Variants in MYO5A observed in about 807,000 individuals in gnomAD.
MYO5A encodes the protein unconventional myosin-Va.
A neutral mutation model predicts 249.7 loss-of-function variants in MYO5A; 98 were observed. The ratio of observed to expected loss-of-function variants is 0.39; its 90% CI spans 0.33 to 0.46. The LOEUF (loss-of-function observed/expected upper bound fraction) is 0.46. MYO5A is among the 20% of genes least tolerant of loss of function. The pLI, the probability that MYO5A is intolerant of heterozygous loss-of-function variation, is 0.98. For missense variants in MYO5A, 1,696 were observed against 2,308.8 expected (o/e 0.73, Z 5.44); for synonymous variants, 778 against 810.6 (o/e 0.96, Z 0.68).
intron 9 of MYO5A, among the ~76,000 whole-genome samples, chr15:52,402,319 G>C (rs536900557): frequency 4.4e-4 from 67 of 152,262 alleles, no homozygotes; most frequent in African/African-American, 1.5e-3. Flanking sequence ...GTCAGGTTAA[G>C]TTTTCTTTAT....
chr15:52,340,066 G>T, intron 32 of MYO5A, 130 bp downstream of exon 32: 1 of 915,096 alleles, frequency 1.1e-6, no homozygotes, highest in Non-Finnish European at 1.7e-6. Context: ...GTCTCTGCTG[G>T]AGTAAGAGGG....
At chr15:52,412,121 T>C (rs912512519) in intron 5 of MYO5A, among the ~76,000 whole-genome samples, 1 of 152,220 alleles carries the variant, frequency 6.6e-6, no homozygotes, top group Non-Finnish European at 1.5e-5. Context: ...AAAGATTACA[T>C]GTAGTAGAAG....
chr15:52,333,523 G>GT (rs1270973394), intron 34 of MYO5A, among the ~76,000 whole-genome samples: 1 of 152,046 alleles, frequency 6.6e-6, no homozygotes, highest in East Asian at 1.9e-4. Flanking sequence ...ACAGGCCTTA[G>GT]TTTTTTCCTC....
intron 39 of MYO5A, among the ~76,000 whole-genome samples, chr15:52,318,456 C>CAAAA (rs35901511): frequency 4.6e-5 from 4 of 87,486 alleles, no homozygotes; most frequent in Non-Finnish European, 8.8e-5. Flanking sequence ...AACTCCATCT[C>CAAAA]AAAAAAAAAA....
At chr15:52,446,698 A>C (rs569987090) in intron 1 of MYO5A, among the ~76,000 whole-genome samples, 87 of 152,312 alleles carry the variant, frequency 5.7e-4, no homozygotes, top group African/African-American at 2.1e-3. Flanking sequence ...TAGGGGCTGA[A>C]CCCTACAAAG....
At chr15:52,354,045 G>C (rs370894992) in intron 25 of MYO5A, 31 bp from the exon 26 acceptor site, 269 of 1,613,498 alleles carry the variant, frequency 1.7e-4, no homozygotes, top group Non-Finnish European at 2.1e-4. Context: ...AGATGGTCAA[G>C]ACAAGCCAGA....
Position 52,372,378 on chromosome 15 carries a change from A to G in MYO5A, c.2578-15T>C, listed in dbSNP as rs1266151978. 5 of 1,599,422 alleles carry G rather than the reference A, an allele frequency of 3.1e-6. No individual in the cohort carries two copies. The African/African-American group carries it at 5.3e-5, about 17-fold the overall frequency. Reference sequence around the variant, plus strand: ...TCACGGAGTATCTGCAGAAAAGGATAAGGGCAAGCAATGTCAAGACCCTGG... The same window carrying G: ...TCACGGAGTATCTGCAGAAAAGGATGAGGGCAAGCAATGTCAAGACCCTGG... On this transcript the variant is annotated splice_polypyrimidine_tract_variant and intron_variant, in intron 20 of 41. Coordinates refer to ENST00000399233, the MANE Select transcript of MYO5A (RefSeq NM_001382347.1).
At chr15:52,393,986 C>G (rs1331745531) in intron 11 of MYO5A, among the ~76,000 whole-genome samples, 7 of 152,194 alleles carry the variant, frequency 4.6e-5, no homozygotes, top group African/African-American at 9.6e-5. Context: ...ACACACATCT[C>G]CATGTCTAGT....
chr15:52,337,263 TAA>T, intron 33 of MYO5A, among the ~76,000 whole-genome samples: 1 of 151,784 alleles, frequency 6.6e-6, no homozygotes, highest in East Asian at 1.9e-4. Flanking sequence ...AGGAGGAAGG[TAA>T]AAAAAAGTCC....
intron 15 of MYO5A, 29 bp downstream of exon 15, chr15:52,384,132 G>A: frequency 6.2e-7 from 1 of 1,613,674 alleles, no homozygotes; most frequent in South Asian, 1.1e-5. Flanking sequence ...AAAGGAAGGA[G>A]CGTGGCAGCG....
intron 24 of MYO5A, among the ~76,000 whole-genome samples, chr15:52,363,972 C>T (rs776571995): frequency 1.4e-4 from 21 of 152,210 alleles, no homozygotes; most frequent in Non-Finnish European, 2.9e-4. Context: ...GGCGCAATGG[C>T]TCATGCCTGT....
intron 25 of MYO5A, among the ~76,000 whole-genome samples, chr15:52,355,994 A>T (rs2040200613): frequency 6.6e-6 from 1 of 152,214 alleles, no homozygotes; most frequent in Admixed American, 6.5e-5. Flanking sequence ...AGCTAAAAAG[A>T]ATGGAAACAA....
chr15:52,407,384 A>C lies in MYO5A; in HGVS notation c.854T>G (p.Phe285Cys). The change falls in exon 8 of 42, where the codon TTT becomes TGT. Residue 285 changes from phenylalanine to cysteine, a missense_variant. Transcript: ENST00000399233. ...ACTGCCTCCTTGTTTTGTGTAATTAAAGTTATCTGCATTTCCTGTAATGAA... is the reference window on the plus strand; with the variant it reads ...ACTGCCTCCTTGTTTTGTGTAATTACAGTTATCTGCATTTCCTGTAATGAA... ...KMLRLGNADNFNYTKQGGSPV... is the reference protein window; with the variant it reads ...KMLRLGNADNCNYTKQGGSPV... The C allele has an allele frequency of 6.2e-7, 1 of 1,613,158 alleles. No homozygotes were observed. Among genetic ancestry groups the C allele is most frequent in the East Asian group, 2.2e-5 (1 of 44,862 alleles).
chr15:52,465,851 G>A (rs2076342281), intron 1 of MYO5A, among the ~76,000 whole-genome samples: 1 of 152,030 alleles, frequency 6.6e-6, no homozygotes, highest in South Asian at 2.1e-4. Flanking sequence ...ATGATAATAT[G>A]TTTGACATGA....
intron 5 of MYO5A, among the ~76,000 whole-genome samples, chr15:52,414,394 G>A (rs768430655): frequency 7.2e-5 from 11 of 152,150 alleles, no homozygotes; most frequent in Non-Finnish European, 8.8e-5. Context: ...AATGGACTAA[G>A]ACAGTAGCTA....
chr15:52,339,770 C>T (rs1472301490), intron 32 of MYO5A, among the ~76,000 whole-genome samples: 1 of 152,214 alleles, frequency 6.6e-6, no homozygotes, highest in East Asian at 1.9e-4. Context: ...TCTAACCCTA[C>T]TTGTCTGCTA....
intron 11 of MYO5A, among the ~76,000 whole-genome samples, chr15:52,394,098 T>G (rs564712961): frequency 6.6e-6 from 1 of 152,340 alleles, no homozygotes; most frequent in African/African-American, 2.4e-5. Context: ...AATATAGTAA[T>G]GCCTTCAAAC....
At chr15:52,465,589 C>T (rs536240869) in intron 1 of MYO5A, among the ~76,000 whole-genome samples, 2 of 152,102 alleles carry the variant, frequency 1.3e-5, no homozygotes, top group Admixed American at 6.6e-5. Flanking sequence ...TTCAGGAATT[C>T]GAAAGTATAG....
chr15:52,309,746 C>T lies in MYO5A; in HGVS notation c.*3950G>A, dbSNP rs898920562. The T allele has an allele frequency of 3.3e-5, 5 of 152,176 alleles. No homozygotes were observed. Among genetic ancestry groups the T allele is most frequent in the African/African-American group, 1.2e-4 (5 of 41,426 alleles). 9.4% of individuals were successfully genotyped at this position (152,176 alleles called of 1,614,324 possible). On this transcript the variant is annotated 3_prime_UTR_variant, in exon 42 of 42. Coordinates refer to ENST00000399233, the MANE Select transcript of MYO5A (RefSeq NM_001382347.1). ...TCTGCATTACTTTCAACAGGATGCACTAGTTTTGGCTCTGTTTTATCACTA... is the reference window on the plus strand; with the variant it reads ...TCTGCATTACTTTCAACAGGATGCATTAGTTTTGGCTCTGTTTTATCACTA...
Sources: allele counts gnomAD v4.1 joint callset (sites outside exome capture counted in the v4.1 genomes callset), GRCh38; gene constraint gnomAD v4.1.1; transcripts MANE v1.5; gene names NCBI Gene and HGNC (gene_info 2026-07-23, HGNC 2026-07-21).